FBN2: variants seen among roughly 807,000 people sequenced by gnomAD.
FBN2 encodes the protein fibrillin-2.
FBN2 carries 105 observed loss-of-function variants against 355.6 expected under a neutral mutation model. That is an observed-to-expected ratio of 0.30 (90% CI 0.25 to 0.35). FBN2 has a LOEUF of 0.35. FBN2 is among the 10% of genes least tolerant of loss of function. The pLI, the probability that FBN2 is intolerant of heterozygous loss-of-function variation, is 1.00. For synonymous variants in FBN2, 1,350 were observed against 1,301.2 expected, an observed-to-expected ratio of 1.04 and a Z score of -0.81; for missense variants, 3,280 against 3,758.7, an observed-to-expected ratio of 0.87 and a Z score of 3.33.
intron 2 of FBN2, among the ~76,000 whole-genome samples, chr5:128,531,678 GTA>G (rs1009372713): frequency 9.3e-5 from 14 of 150,256 alleles, no homozygotes; most frequent in Non-Finnish European, 1.8e-4. Context: ...GCGTGTGTGT[GTA>G]TATATATGTA....
chr5:128,470,673 A>G (rs776156978), intron 5 of FBN2, among the ~76,000 whole-genome samples: 1 of 152,238 alleles, frequency 6.6e-6, no homozygotes, highest in Non-Finnish European at 1.5e-5. Flanking sequence ...TGCTAGATTA[A>G]GAAATGAAAG....
At chr5:128,423,466 C>T (rs1209999749) in intron 7 of FBN2, among the ~76,000 whole-genome samples, 1 of 152,084 alleles carries the variant, frequency 6.6e-6, no homozygotes, top group Non-Finnish European at 1.5e-5. Context: ...TAAGACTTGA[C>T]TATCAGAAGA....
At chr5:128,439,367 G>C (rs977596745) in intron 7 of FBN2, among the ~76,000 whole-genome samples, 12 of 152,108 alleles carry the variant, frequency 7.9e-5, no homozygotes, top group Admixed American at 5.2e-4. Flanking sequence ...ATTTGTGAGA[G>C]TGTCTATTTC....
intron 30 of FBN2, 55 bp from the exon 31 acceptor site, chr5:128,334,899 C>T: frequency 6.8e-7 from 1 of 1,464,116 alleles, no homozygotes. Flanking sequence ...AATTTAAAAG[C>T]TATCTTCTAC....
chr5:128,299,649 C>A (rs984277996), intron 48 of FBN2, among the ~76,000 whole-genome samples: 1 of 152,210 alleles, frequency 6.6e-6, no homozygotes, highest in Non-Finnish European at 1.5e-5. Context: ...CTTGCGCTTC[C>A]CGAGTGAGGC....
chr5:128,263,314 C>A (rs1412135306), intron 63 of FBN2, 111 bp downstream of exon 63: 2 of 815,848 alleles, frequency 2.5e-6, no homozygotes, highest in Non-Finnish European at 4.3e-6. Flanking sequence ...CTAATCAATG[C>A]TTTTGCGGTT....
intron 6 of FBN2, among the ~76,000 whole-genome samples, chr5:128,457,063 G>T (rs1432468866): frequency 1.3e-5 from 2 of 152,158 alleles, no homozygotes; most frequent in Admixed American, 6.5e-5. Context: ...GATAAATGGT[G>T]AGAGGAATTG....
intron 19 of FBN2, among the ~76,000 whole-genome samples, chr5:128,358,045 T>C (rs978757295): frequency 3.9e-5 from 6 of 152,200 alleles, no homozygotes; most frequent in African/African-American, 1.4e-4. Flanking sequence ...TACCATTTAT[T>C]TGATTTGAGT....
In FBN2 at chr5:128,345,371, C is replaced by T. The variant is rs563921589; in HGVS notation, c.3203G>A (p.Arg1068Gln). 9.9e-5 allele frequency: 159 copies of T among 1,614,044 alleles called. 1 individual carries two copies. In the South Asian group the frequency reaches 1.5e-3, roughly 15 times the overall value. ...CAGGCAGTTACCTTTGTAAAATGGC[C>T]GCCCAGTAAGAACATCCCCTCGGTT... ...FANRGDVLTG[R>Q]PFYKDINECK... Residue 1068 changes from arginine to glutamine, a missense_variant, in exon 24 of 65, where the codon CGG becomes CAG. By Grantham distance (43) the Arg-to-Gln change is conservative. This residue lies in a region of FBN2 where 2,284 missense variants were observed against 2,749.5 expected (regional missense o/e 0.83). Coordinates refer to ENST00000262464, the MANE Select transcript of FBN2 (RefSeq NM_001999.4).
chr5:128,310,195 G>T (rs543586018), intron 39 of FBN2, 87 bp from the exon 40 acceptor site: 3 of 1,170,728 alleles, frequency 2.6e-6, no homozygotes, highest in Middle Eastern at 2.5e-4. Flanking sequence ...AAGCATAGGT[G>T]ATTCTCTAAA....
Position 128,485,125 on chromosome 5 carries a change from G to A in FBN2, c.629-20204C>T, listed in dbSNP as rs75817937. On this transcript the variant is annotated intron_variant, in intron 5 of 64. Coordinates refer to ENST00000262464, the MANE Select transcript of FBN2 (RefSeq NM_001999.4). ...TGCAGCCTCAACTTCCTGGGCTCAA[G>A]TGATCCTCCTACCTCAGCCTCCCAA... Among the ~76,000 whole-genome samples the A allele has an allele frequency of 3.9e-5, 6 of 152,084 alleles. No individual in the cohort carries two copies. The East Asian group carries it at 1.2e-3, about 29-fold the overall frequency.
intron 5 of FBN2, among the ~76,000 whole-genome samples, chr5:128,512,826 A>T (rs1260415466): frequency 6.6e-6 from 1 of 152,174 alleles, no homozygotes; most frequent in Non-Finnish European, 1.5e-5. Flanking sequence ...TATCATTTTG[A>T]TAACTGGGGA....
In FBN2 at chr5:128,259,842, C is replaced by T. The variant is rs779409691; in HGVS notation, c.8365-13G>A. 2 of 1,613,142 alleles carry T rather than the reference C, an allele frequency of 1.2e-6. No homozygotes were observed. The highest frequency in any genetic ancestry group is 2.2e-5 in the South Asian group (2 of 91,026). On this transcript the variant is annotated splice_polypyrimidine_tract_variant and intron_variant, in intron 64 of 64. Transcript: ENST00000262464. ...TGATCTGTTCAACCTGGAGGAAGAA[C>T]AGGAAATGATTTGGGACAAGCTTCT... is the stretch of plus-strand genomic sequence containing the variant.
intron 7 of FBN2, among the ~76,000 whole-genome samples, chr5:128,422,427 G>A (rs1753373228): frequency 6.6e-6 from 1 of 152,148 alleles, no homozygotes; most frequent in South Asian, 2.1e-4. Flanking sequence ...GTGAAGAAAG[G>A]CAGCAAGAAA....
At chr5:128,348,948 T>C (rs1169326458) in intron 23 of FBN2, among the ~76,000 whole-genome samples, 1 of 152,124 alleles carries the variant, frequency 6.6e-6, no homozygotes, top group Non-Finnish European at 1.5e-5. Context: ...GCAACATATC[T>C]TTGCTCTTGA....
At chr5:128,354,034 C>T (rs917499548) in intron 20 of FBN2, among the ~76,000 whole-genome samples, 1 of 152,160 alleles carries the variant, frequency 6.6e-6, no homozygotes, top group Admixed American at 6.5e-5. Flanking sequence ...GTATGCCCAT[C>T]CCGGCCCCCA....
At chr5:128,400,159 C>A (rs1213325687) in intron 8 of FBN2, among the ~76,000 whole-genome samples, 2 of 151,578 alleles carry the variant, frequency 1.3e-5, no homozygotes, top group Non-Finnish European at 2.9e-5. Context: ...CTACCAGAAG[C>A]TTTATTTTTT....
Position 128,278,580 on chromosome 5 carries a change from G to C in FBN2, c.7345+55C>G, listed in dbSNP as rs576189582. 230 of 1,510,922 alleles carry C rather than the reference G, an allele frequency of 1.5e-4. 1 individual carries two copies. The highest frequency in any genetic ancestry group is 6.9e-4 in the Middle Eastern group (4 of 5,818). 93.6% of individuals were successfully genotyped at this position (1,510,922 alleles called of 1,614,324 possible). A position where few individuals can be genotyped will look rare whatever the true frequency, so the allele number is the denominator to read the frequency against. ...TTTCACTTTTCCTTCACATTTATCT[G>C]AATTCATAAAATTTAATGTGTTGAT... is the stretch of plus-strand genomic sequence containing the variant. On this transcript the variant is annotated intron_variant, in intron 57 of 64. Transcript: ENST00000262464.
Position 128,263,620 on chromosome 5 carries a change from G to A in FBN2, c.7997C>T (p.Ser2666Phe). 6.2e-7 allele frequency: 1 copy of A among 1,614,132 alleles called. No individual in the cohort carries two copies. The change falls in exon 63 of 65, where the codon TCT (serine) becomes TTT (phenylalanine). Residue 2666 changes from serine (S) to phenylalanine (F), a missense_variant. Transcript: ENST00000262464. ...CCCCAGGGTGTTGTAGCAGGAAGCA[G>A]AGCCACAGGCATTGGGATTGGAGCA... ...NECSNPNACG[S>F]ASCYNTLGSY...
Sources: gnomAD v4.1 joint callset for allele counts (sites outside exome capture counted in the v4.1 genomes callset) on GRCh38, gnomAD v4.1.1 for gene constraint, gnomAD v4.1.1 regional missense constraint, MANE v1.5 for transcripts, NCBI Gene and HGNC (gene_info 2026-07-23, HGNC 2026-07-21) for gene names.